Variants in NEBL observed in about 807,000 individuals in gnomAD.
NEBL encodes nebulette.
In NEBL, 122 loss-of-function variants were observed where a neutral mutation model predicts 140.2. The observed-to-expected ratio is 0.87, with a 90% confidence interval of 0.75 to 1.01. The LOEUF is 1.01. NEBL is among the 50% of genes least tolerant of loss of function. NEBL has a pLI of 0.00. For synonymous variants in NEBL, 436 were observed against 398.9 expected, an observed-to-expected ratio of 1.09 and a Z score of -1.11; for missense variants, 1,365 against 1,231.3, an observed-to-expected ratio of 1.11 and a Z score of -1.62.
intron 25 of NEBL, 151 bp downstream of exon 25, chr10:20,809,655 T>G (rs1564343008): frequency 3.0e-6 from 2 of 658,678 alleles, no homozygotes; most frequent in South Asian, 3.7e-5. Context: ...AATGACTAAT[T>G]GTATTTAAAA....
In NEBL at chr10:20,812,899, G is replaced by T; in HGVS notation, c.2388C>A (p.Gly796=). ...HEDFEKTKGR[G]FTPVVDDPVT... is the part of the protein sequence containing the mutation. ...CAGGATCGTCCACGACGGGAGTAAA[G>T]CCTCTCCCCTTTGTTTTTTCAAAAT... The change falls in exon 24 of 28, where the codon GGC becomes GGA. Residue 796 remains glycine, a synonymous_variant. Coordinates refer to ENST00000377122, the MANE Select transcript of NEBL (RefSeq NM_006393.3). 6.2e-7 allele frequency: 1 copy of T among 1,613,894 alleles called. No individual in the cohort carries two copies. Among genetic ancestry groups the T allele is most frequent in the Non-Finnish European group, 8.5e-7 (1 of 1,179,888 alleles).
intron 12 of NEBL, among the ~76,000 whole-genome samples, chr10:20,843,377 T>C (rs537788648): frequency 1.3e-5 from 2 of 152,140 alleles, no homozygotes; most frequent in African/African-American, 4.8e-5. Flanking sequence ...CAATACAGTG[T>C]TCTGAGCCCT....
intron 2 of NEBL, among the ~76,000 whole-genome samples, chr10:21,108,654 G>C (rs1212781659): frequency 1.3e-5 from 2 of 152,184 alleles, no homozygotes; most frequent in East Asian, 1.9e-4. Context: ...TTGGGGTGGA[G>C]AGTTCTGTAG....
chr10:20,855,534 AAC>A (rs1842982885), intron 9 of NEBL, among the ~76,000 whole-genome samples: 2 of 151,840 alleles, frequency 1.3e-5, no homozygotes, highest in African/African-American at 4.8e-5. Flanking sequence ...ACAAAAAAAA[AAC>A]GAAGGAAAAC....
At chr10:21,266,530 C>T (rs995268820) in intron 1 of NEBL, among the ~76,000 whole-genome samples, 1 of 152,210 alleles carries the variant, frequency 6.6e-6, no homozygotes, top group Non-Finnish European at 1.5e-5. Context: ...TCAAGGCAGG[C>T]CCCAATTCCC....
At chr10:21,165,932 T>G (rs912382664) in intron 2 of NEBL, among the ~76,000 whole-genome samples, 4 of 152,130 alleles carry the variant, frequency 2.6e-5, no homozygotes, top group Non-Finnish European at 4.4e-5. Context: ...AAACTAGTGT[T>G]TCTCATATCT....
chr10:21,010,605 C>CAA (rs34685634), intron 3 of NEBL, among the ~76,000 whole-genome samples: 24,348 of 147,750 alleles, frequency 0.16, 3,088 homozygotes, highest in East Asian at 0.54. Flanking sequence ...CAAAGCCATT[C>CAA]AAAAAAAAAT....
At chr10:21,011,301 C>T (rs879125477) in intron 3 of NEBL, among the ~76,000 whole-genome samples, 1 of 152,124 alleles carries the variant, frequency 6.6e-6, no homozygotes, top group Non-Finnish European at 1.5e-5. Flanking sequence ...AACTTATTTA[C>T]GATGTACTCG....
chr10:21,185,700 T>G (rs181300501), intron 3 of NEBL, among the ~76,000 whole-genome samples: 1 of 152,120 alleles, frequency 6.6e-6, no homozygotes, highest in East Asian at 1.9e-4. Context: ...TTTCGCCATG[T>G]TGGCCAGGCT....
intron 3 of NEBL, among the ~76,000 whole-genome samples, chr10:21,196,309 T>TTTTTTA (rs1399132671): frequency 4.6e-5 from 6 of 131,038 alleles, no homozygotes; most frequent in African/African-American, 1.5e-4. Flanking sequence ...GCCTATATTT[T>TTTTTTA]TATTTTTATT....
chr10:21,121,039 A>C (rs1385111013), intron 2 of NEBL, among the ~76,000 whole-genome samples: 2 of 152,188 alleles, frequency 1.3e-5, no homozygotes, highest in Non-Finnish European at 2.9e-5. Context: ...GAGGCATCTG[A>C]AAACATCACA....
At chr10:21,006,516 T>A (rs529217163) in intron 3 of NEBL, among the ~76,000 whole-genome samples, 2 of 152,328 alleles carry the variant, frequency 1.3e-5, no homozygotes, top group South Asian at 4.1e-4. Context: ...AACCAGTCCT[T>A]CTTCCCTGTT....
At chr10:21,054,095 T>G (rs973471034) in intron 2 of NEBL, among the ~76,000 whole-genome samples, 2 of 151,966 alleles carry the variant, frequency 1.3e-5, no homozygotes, top group African/African-American at 4.8e-5. Flanking sequence ...CAGGGCAAAA[T>G]GGACAAAATA....
At position 20,845,165 on chromosome 10, in the gene NEBL, A is replaced by T. The variant is rs930924691; in HGVS notation, c.1227+93T>A. On this transcript the variant is annotated intron_variant, in intron 12 of 27. Transcript: ENST00000377122. The stretch of plus-strand genomic sequence containing the variant: ...AAAAAGAGTAATGCCTTAATATCTG[A>T]AACACTGAATTAGTAGAGAATTAGG... 4 of 788,522 alleles carry T rather than the reference A, an allele frequency of 5.1e-6. No individual in the cohort carries two copies. In the African/African-American group the frequency reaches 5.2e-5, roughly 10 times the overall value. The allele number at this position is 788,522 out of a possible 1,614,324, so 48.8% of individuals were successfully genotyped here. A position where few individuals can be genotyped will look rare whatever the true frequency, so the allele number is the denominator to read the frequency against.
chr10:21,123,667 A>G (rs1287473700), intron 2 of NEBL, among the ~76,000 whole-genome samples: 3 of 151,828 alleles, frequency 2.0e-5, no homozygotes, highest in Non-Finnish European at 4.4e-5. Flanking sequence ...TGGCATCTTC[A>G]ACTTCATCCA....
Position 21,267,366 on chromosome 10 carries a change from G to A in NEBL, n.183-15538C>T, listed in dbSNP as rs917926967. 5.3e-5 allele frequency among the ~76,000 whole-genome samples: 8 copies of A among 152,072 alleles called. 1 individual carries two copies. In the South Asian group the frequency reaches 8.3e-4, roughly 16 times the overall value. On this transcript the variant is annotated intron_variant and non_coding_transcript_variant, in intron 1 of 8. Transcript: ENST00000675702. ...TGACCTCAAGTGATCTGCCCACCTC[G>A]GCCTCCCAAAGTGCTGGGATTACAG...
At chr10:20,875,446 G>C (rs532419130) in intron 5 of NEBL, among the ~76,000 whole-genome samples, 1 of 152,292 alleles carries the variant, frequency 6.6e-6, no homozygotes, top group East Asian at 1.9e-4. Flanking sequence ...TAAGAGAAAT[G>C]CATATGAGAT....
chr10:21,062,475 A>G (rs1257554756), intron 2 of NEBL, among the ~76,000 whole-genome samples: 3 of 152,058 alleles, frequency 2.0e-5, no homozygotes, highest in Non-Finnish European at 4.4e-5. Flanking sequence ...AGCCTGGGCA[A>G]CATAGAGAAA....
intron 1 of NEBL, among the ~76,000 whole-genome samples, chr10:21,291,544 C>G (rs1345114363): frequency 6.6e-6 from 1 of 150,450 alleles, no homozygotes; most frequent in Admixed American, 6.6e-5. Flanking sequence ...CTACAAGAGT[C>G]AGAAGTCACG....
Sources: allele counts gnomAD v4.1 joint callset (sites outside exome capture counted in the v4.1 genomes callset), GRCh38; gene constraint gnomAD v4.1.1; transcripts MANE v1.5; gene names NCBI Gene and HGNC (gene_info 2026-07-23, HGNC 2026-07-21).